Variants in METTL8 observed in about 807,000 individuals in gnomAD.
METTL8 encodes the protein methyltransferase 8, tRNA N3-cytidine.
A neutral mutation model predicts 48.7 loss-of-function variants in METTL8; 32 were observed. The ratio of observed to expected loss-of-function variants is 0.66; its 90% CI spans 0.50 to 0.88. The LOEUF is 0.88. Ranked by LOEUF, METTL8 falls within the 40% of genes least tolerant of loss-of-function variation. The pLI, the probability that METTL8 is intolerant of heterozygous loss-of-function variation, is 0.00. For synonymous variants in METTL8, 136 were observed against 157.1 expected, an observed-to-expected ratio of 0.87 and a Z score of 1.01; for missense variants, 464 against 474.4, an observed-to-expected ratio of 0.98 and a Z score of 0.20.
chr2:171,356,950 A>ATTTTTTTTT (rs1202277226), intron 3 of METTL8, among the ~76,000 whole-genome samples: 1 of 4,746 alleles, frequency 2.1e-4, no homozygotes, highest in African/African-American at 2.9e-4. Flanking sequence ...TTCAAAGACA[A>ATTTTTTTTT]TATTTTTTTT....
chr2:171,346,009 C>G lies in METTL8; in HGVS notation c.236-6455G>C, dbSNP rs76797590. 6.3e-3 allele frequency among the ~76,000 whole-genome samples: 950 copies of G among 151,916 alleles called. 7 individuals are homozygous for G. Among genetic ancestry groups the G allele is most frequent in the African/African-American group, 0.02 (848 of 41,464 alleles). On this transcript the variant is annotated intron_variant, in intron 3 of 9. Transcript: ENST00000375258. ...GCAATCTTATTGAAAGAAATGAGGG[C>G]CTGGATCTATAGTTTTTTTGTTTTT...
At chr2:171,389,924 T>G (rs1302044241) in intron 2 of METTL8, among the ~76,000 whole-genome samples, 1 of 152,214 alleles carries the variant, frequency 6.6e-6, no homozygotes, top group Non-Finnish European at 1.5e-5. Flanking sequence ...TAAAACAGCT[T>G]TCTATTGGAA....
chr2:171,354,415 G>A (rs1383033474), intron 3 of METTL8, among the ~76,000 whole-genome samples: 1 of 152,076 alleles, frequency 6.6e-6, no homozygotes, highest in East Asian at 1.9e-4. Flanking sequence ...TTCAACCTTG[G>A]TGAATCTGAC....
intron 1 of METTL8, among the ~76,000 whole-genome samples, chr2:171,431,135 C>G (rs1692967585): frequency 6.6e-6 from 1 of 152,326 alleles, no homozygotes; most frequent in East Asian, 1.9e-4. Flanking sequence ...CCTGAAGAAC[C>G]TACGACGTGC....
chr2:171,339,604 A>C, intron 3 of METTL8, 50 bp from the exon 4 acceptor site: 1 of 985,750 alleles, frequency 1.0e-6, no homozygotes, highest in Non-Finnish European at 1.5e-6. Flanking sequence ...AATTATATTT[A>C]CTATTAGCTA....
At chr2:171,379,518 A>G (rs896716834) in intron 2 of METTL8, among the ~76,000 whole-genome samples, 1 of 149,222 alleles carries the variant, frequency 6.7e-6, no homozygotes, top group African/African-American at 2.4e-5. Flanking sequence ...ACTGCTAACT[A>G]GACTAATAAG....
chr2:171,349,201 G>A (rs1253417047), intron 3 of METTL8, among the ~76,000 whole-genome samples: 1 of 152,048 alleles, frequency 6.6e-6, no homozygotes, highest in African/African-American at 2.4e-5. Flanking sequence ...AATTATATAT[G>A]TATTATAATT....
intron 2 of METTL8, among the ~76,000 whole-genome samples, chr2:171,385,257 AT>A (rs1257082657): frequency 6.6e-6 from 1 of 152,068 alleles, no homozygotes; most frequent in South Asian, 2.1e-4. Context: ...TCTAAAAAAA[AT>A]AAAATAAAAC....
chr2:171,321,733 G>A lies in METTL8; in HGVS notation c.*2439C>T, dbSNP rs1445943065. ...GTCTTAGATCATGATTTACAGGTTT[G>A]GGATATGCACATTTTGTTTTGCCAG... On this transcript the variant is annotated 3_prime_UTR_variant, in exon 10 of 10. Coordinates refer to ENST00000375258, the MANE Select transcript of METTL8 (RefSeq NM_001321154.2). 4 of 152,076 alleles carry A rather than the reference G, an allele frequency of 2.6e-5. No individual in the cohort carries two copies. Among genetic ancestry groups the A allele is most frequent in the Non-Finnish European group, 4.4e-5 (3 of 68,012 alleles). The allele number at this position is 152,076 out of a possible 1,614,324, so 9.4% of individuals were successfully genotyped here.
intron 1 of METTL8, among the ~76,000 whole-genome samples, chr2:171,401,549 T>C (rs1689641738): frequency 6.6e-6 from 1 of 152,146 alleles, no homozygotes; most frequent in Non-Finnish European, 1.5e-5. Context: ...CTGCCCTGAA[T>C]GGTGGCTACA....
intron 5 of METTL8, chr2:171,332,127 C>T: frequency 3.1e-6 from 1 of 320,366 alleles, no homozygotes; most frequent in Non-Finnish European, 6.0e-6. Flanking sequence ...CTCAAATGAT[C>T]CTCCTGCCTC....
intron 1 of METTL8, among the ~76,000 whole-genome samples, chr2:171,413,391 A>T (rs1690950531): frequency 6.6e-6 from 1 of 152,210 alleles, no homozygotes; most frequent in South Asian, 2.1e-4. Flanking sequence ...CAGATATAAG[A>T]ATCCAGTCAT....
intron 2 of METTL8, among the ~76,000 whole-genome samples, chr2:171,387,620 T>C (rs1319607661): frequency 2.6e-5 from 4 of 151,992 alleles, no homozygotes; most frequent in Non-Finnish European, 5.9e-5. Context: ...ATATCCAAAT[T>C]TTCATTCACT....
At chr2:171,395,962 A>G (rs2105575988) in intron 1 of METTL8, among the ~76,000 whole-genome samples, 1 of 152,264 alleles carries the variant, frequency 6.6e-6, no homozygotes, top group South Asian at 2.1e-4. Context: ...GCTATAAAAC[A>G]AGTCTCAATA....
rs553937761 is a variant in METTL8, at chr2:171,414,178, G to A, written c.-13+19705C>T. 1.5e-3 allele frequency among the ~76,000 whole-genome samples: 221 copies of A among 152,248 alleles called. 4 individuals are homozygous for A. In the East Asian group the frequency reaches 0.015, roughly 10 times the overall value. On this transcript the variant is annotated intron_variant, in intron 1 of 9. Coordinates refer to ENST00000375258, the MANE Select transcript of METTL8 (RefSeq NM_001321154.2). ...CATCCCTGTAATTCCAGCCCTTTGAGAGGCCAAGGTGGGCGGATCACCTGA... is the reference window on the plus strand; with the variant it reads ...CATCCCTGTAATTCCAGCCCTTTGAAAGGCCAAGGTGGGCGGATCACCTGA...
rs1366601020 is a variant in METTL8, at chr2:171,321,006, T to A, written c.*3166A>T. The A allele has an allele frequency of 6.6e-6, 1 of 152,214 alleles. No homozygotes were observed. The highest frequency in any genetic ancestry group is 1.9e-4 in the East Asian group (1 of 5,196). The allele number at this position is 152,214 out of a possible 1,614,324, so 9.4% of individuals were successfully genotyped here. ...TCCCATCTTTTCTACCTATCCCTCA[T>A]CATTAATGTCCCACACCACACTTGT... is the stretch of plus-strand genomic sequence containing the variant. On this transcript the variant is annotated 3_prime_UTR_variant, in exon 10 of 10. Coordinates refer to ENST00000375258, the MANE Select transcript of METTL8 (RefSeq NM_001321154.2).
Position 171,323,251 on chromosome 2 carries a change from G to C in METTL8, c.*921C>G, listed in dbSNP as rs1323257031. On this transcript the variant is annotated 3_prime_UTR_variant, in exon 10 of 10. Transcript: ENST00000375258. Reference sequence around the variant, plus strand: ...CTTTTTTTTTTTTTTTTTTTTTTTTGGAGACAAGGTCTCACCATGTCACCC... The same window carrying C: ...CTTTTTTTTTTTTTTTTTTTTTTTTCGAGACAAGGTCTCACCATGTCACCC... 2.9e-4 allele frequency: 4 copies of C among 13,792 alleles called. No individual in the cohort carries two copies. The highest frequency in any genetic ancestry group is 7.5e-4 in the Non-Finnish European group (4 of 5,334). The allele number at this position is 13,792 out of a possible 1,614,324, so 0.9% of individuals were successfully genotyped here. A position where few individuals can be genotyped will look rare whatever the true frequency, so the allele number is the denominator to read the frequency against.
intron 1 of METTL8, among the ~76,000 whole-genome samples, chr2:171,424,695 A>G (rs1272059010): frequency 6.6e-6 from 1 of 151,848 alleles, no homozygotes; most frequent in Non-Finnish European, 1.5e-5. Context: ...TAGGAAATAA[A>G]TAACTTGCTT....
intron 1 of METTL8, among the ~76,000 whole-genome samples, chr2:171,429,192 T>G (rs957200921): frequency 6.6e-6 from 1 of 152,214 alleles, no homozygotes; most frequent in African/African-American, 2.4e-5. Flanking sequence ...AATTGAGTGC[T>G]GTCACAAGAT....
Sources: gnomAD v4.1 joint callset for allele counts (sites outside exome capture counted in the v4.1 genomes callset) on GRCh38, gnomAD v4.1.1 for gene constraint, MANE v1.5 for transcripts, NCBI Gene and HGNC (gene_info 2026-07-23, HGNC 2026-07-21) for gene names.